Variants in KCNH7 observed in about 807,000 individuals in gnomAD.
The protein encoded by KCNH7 is voltage-gated inwardly rectifying potassium channel KCNH7.
In KCNH7, 49 loss-of-function variants were observed where a neutral mutation model predicts 120.8. The observed-to-expected ratio is 0.41, with a 90% CI of 0.32 to 0.51. KCNH7 has a LOEUF of 0.51. Among genes scored for constraint, KCNH7 ranks in the 20% least tolerant of loss-of-function variants. The probability of loss-of-function intolerance (pLI) is 0.38; values close to 1 mark genes in which losing one functional copy is unlikely to be tolerated. For missense variants in KCNH7, 1,097 were observed against 1,446.6 expected, an observed-to-expected ratio of 0.76 and a Z score of 3.92; for synonymous variants, 547 against 516.1, an observed-to-expected ratio of 1.06 and a Z score of -0.81.
intron 9 of KCNH7, among the ~76,000 whole-genome samples, chr2:162,409,638 A>T (rs1687328046): frequency 6.6e-6 from 1 of 152,030 alleles, no homozygotes; most frequent in Non-Finnish European, 1.5e-5. Flanking sequence ...AATAAGTCAA[A>T]CTATCTGTCT....
At chr2:162,460,403 T>C (rs1689106743) in intron 6 of KCNH7, among the ~76,000 whole-genome samples, 1 of 152,192 alleles carries the variant, frequency 6.6e-6, no homozygotes, top group African/African-American at 2.4e-5. Flanking sequence ...TGACACTTAC[T>C]TTAGTCTTTG....
chr2:162,593,601 C>T (rs1312050972), intron 2 of KCNH7, among the ~76,000 whole-genome samples: 4 of 151,966 alleles, frequency 2.6e-5, no homozygotes, highest in South Asian at 2.1e-4. Flanking sequence ...CAATAAGAAT[C>T]GCCACTTCTC....
At chr2:162,423,255 T>C (rs775847148) in intron 9 of KCNH7, 81 bp downstream of exon 9, 1 of 1,608,656 alleles carries the variant, frequency 6.2e-7, no homozygotes, top group Non-Finnish European at 8.5e-7. Flanking sequence ...GGTTCAAAGC[T>C]GGTGATTCCG....
chr2:162,733,452 A>G (rs1012699441), intron 2 of KCNH7, among the ~76,000 whole-genome samples: 10 of 152,258 alleles, frequency 6.6e-5, no homozygotes, highest in Non-Finnish European at 1.0e-4. Flanking sequence ...AGTAAGAGCC[A>G]TCATGTAAAT....
intron 2 of KCNH7, among the ~76,000 whole-genome samples, chr2:162,583,955 A>T (rs1156869663): frequency 6.6e-6 from 1 of 152,124 alleles, no homozygotes; most frequent in African/African-American, 2.4e-5. Context: ...AGATTTTAGA[A>T]AGGGCAGTAC....
intron 2 of KCNH7, among the ~76,000 whole-genome samples, chr2:162,672,028 T>C (rs544447157): frequency 1.3e-5 from 2 of 152,164 alleles, no homozygotes; most frequent in South Asian, 4.1e-4. Flanking sequence ...GACGTGTAAC[T>C]AACATATACT....
At chr2:162,726,630 G>T (rs192679122) in intron 2 of KCNH7, among the ~76,000 whole-genome samples, 1 of 152,260 alleles carries the variant, frequency 6.6e-6, no homozygotes, top group East Asian at 1.9e-4. Context: ...GTGTTGGCCA[G>T]TCTGGTCTTG....
At chr2:162,376,644 G>A (rs777831244) in intron 14 of KCNH7, among the ~76,000 whole-genome samples, 1 of 152,074 alleles carries the variant, frequency 6.6e-6, no homozygotes, top group Non-Finnish European at 1.5e-5. Context: ...TTACAGGTGT[G>A]AGCCACCGCG....
chr2:162,517,417 AT>A (rs1189089089), intron 4 of KCNH7, among the ~76,000 whole-genome samples: 1 of 151,842 alleles, frequency 6.6e-6, no homozygotes, highest in African/African-American at 2.4e-5. Context: ...TATGCTTGAG[AT>A]GATAGTGTTC....
At chr2:162,435,664 A>G in intron 7 of KCNH7, 67 bp from the exon 8 acceptor site, 1 of 1,463,530 alleles carries the variant, frequency 6.8e-7, no homozygotes, top group Non-Finnish European at 9.1e-7. Context: ...CATATGAAGC[A>G]AAGTGGACAA....
chr2:162,744,892 A>G (rs1688264090), intron 2 of KCNH7, among the ~76,000 whole-genome samples: 1 of 151,718 alleles, frequency 6.6e-6, no homozygotes, highest in African/African-American at 2.4e-5. Flanking sequence ...TTTAATTACA[A>G]CTCTAACCTG....
intron 2 of KCNH7, among the ~76,000 whole-genome samples, chr2:162,682,026 A>G (rs888862116): frequency 6.6e-6 from 1 of 151,640 alleles, no homozygotes; most frequent in East Asian, 1.9e-4. Flanking sequence ...GAGATTGGTA[A>G]AATGAATTTA....
intron 2 of KCNH7, among the ~76,000 whole-genome samples, chr2:162,697,880 A>G (rs1041658350): frequency 2.6e-5 from 4 of 151,984 alleles, no homozygotes; most frequent in African/African-American, 9.7e-5. Flanking sequence ...CTTTCTATCT[A>G]AAAGAAAAAA....
chr2:162,795,505 C>A (rs1469090504), intron 2 of KCNH7: 7 of 151,944 alleles, frequency 4.6e-5, no homozygotes, highest in African/African-American at 1.5e-4. Flanking sequence ...GCTCTTGAGC[C>A]CCATCTTCAG....
chr2:162,675,403 T>C (rs1192380888), intron 2 of KCNH7, among the ~76,000 whole-genome samples: 2 of 151,564 alleles, frequency 1.3e-5, no homozygotes, highest in Non-Finnish European at 3.0e-5. Flanking sequence ...GGAAAAATAA[T>C]TTTGAATTAC....
chr2:162,634,403 C>A (rs571468787), intron 2 of KCNH7, among the ~76,000 whole-genome samples: 2 of 151,992 alleles, frequency 1.3e-5, no homozygotes, highest in Non-Finnish European at 2.9e-5. Flanking sequence ...GACATATTGA[C>A]AAAGGGCAGA....
intron 2 of KCNH7, among the ~76,000 whole-genome samples, chr2:162,724,089 T>C (rs1368240526): frequency 4.6e-5 from 7 of 152,160 alleles, no homozygotes; most frequent in Admixed American, 2.0e-4. Flanking sequence ...CTGTCTAATA[T>C]CTTTTTAGTT....
intron 2 of KCNH7, among the ~76,000 whole-genome samples, chr2:162,706,425 T>C (rs1226226231): frequency 6.6e-6 from 1 of 152,022 alleles, no homozygotes; most frequent in Non-Finnish European, 1.5e-5. Flanking sequence ...TACAATCTCA[T>C]AACAACTCTA....
Position 162,635,755 on chromosome 2 carries a change from A to G in KCNH7, c.308-98675T>C, listed in dbSNP as rs186017634. Among the ~76,000 whole-genome samples, 487 of 152,222 alleles carry G rather than the reference A, an allele frequency of 3.2e-3. 4 individuals carry two copies. Among genetic ancestry groups the G allele is most frequent in the Non-Finnish European group, 5.2e-3 (354 of 67,982 alleles). On this transcript the variant is annotated intron_variant, in intron 2 of 15. Transcript: ENST00000332142. ...ATGACCACTGACAAAATTTTCAGCG[A>G]GAGTGCAGTTCTTTGCTATTAAACA...
Sources: gnomAD v4.1 joint callset for allele counts (sites outside exome capture counted in the v4.1 genomes callset) on GRCh38, gnomAD v4.1.1 for gene constraint, MANE v1.5 for transcripts, NCBI Gene and HGNC (gene_info 2026-07-23, HGNC 2026-07-21) for gene names.